Variants in KIAA1217 observed in about 807,000 individuals in gnomAD.
KIAA1217 encodes the protein sickle tail protein homolog.
KIAA1217 carries 88 observed loss-of-function variants against 163.9 expected under a neutral mutation model. That is an observed-to-expected ratio of 0.54 (90% CI 0.45 to 0.64). KIAA1217 has a LOEUF of 0.64. KIAA1217 is among the 30% of genes least tolerant of loss of function. The pLI, the probability that KIAA1217 is intolerant of heterozygous loss-of-function variation, is 0.00. For synonymous variants in KIAA1217, 903 were observed against 923.1 expected (o/e 0.98, Z 0.39); for missense variants, 2,372 against 2,475.0 (o/e 0.96, Z 0.88).
At chr10:24,044,588 C>T (rs922344480) in intron 2 of KIAA1217, among the ~76,000 whole-genome samples, 1 of 151,836 alleles carries the variant, frequency 6.6e-6, no homozygotes, top group Non-Finnish European at 1.5e-5. Flanking sequence ...TTCCATGCTC[C>T]CCTCTCTGCT....
chr10:23,696,292 C>G (rs1836036394), intron 1 of KIAA1217, among the ~76,000 whole-genome samples: 1 of 152,196 alleles, frequency 6.6e-6, no homozygotes, highest in African/African-American at 2.4e-5. Context: ...CTACCCTGCT[C>G]TCACCTGGGG....
At chr10:24,303,529 G>A (rs1258023358) in intron 2 of KIAA1217, among the ~76,000 whole-genome samples, 3 of 152,166 alleles carry the variant, frequency 2.0e-5, no homozygotes, top group African/African-American at 7.2e-5. Flanking sequence ...GGGAAGGACT[G>A]TAAAGAAAAG....
At chr10:24,043,535 G>T (rs1848768524) in intron 2 of KIAA1217, among the ~76,000 whole-genome samples, 2 of 152,054 alleles carry the variant, frequency 1.3e-5, no homozygotes, top group South Asian at 4.1e-4. Context: ...TCAATGACAT[G>T]CTTGTATAAA....
At chr10:24,028,217 G>A (rs978097378) in intron 2 of KIAA1217, among the ~76,000 whole-genome samples, 1 of 152,078 alleles carries the variant, frequency 6.6e-6, no homozygotes, top group African/African-American at 2.4e-5. Context: ...ATGGGAAAGG[G>A]TGGGTTATGG....
rs1844616312 is a variant in KIAA1217, at chr10:23,957,448, A to G, written c.-320-49777A>G. On this transcript the variant is annotated intron_variant, in intron 1 of 18. Coordinates refer to the KIAA1217 transcript ENST00000376462. The stretch of plus-strand genomic sequence containing the variant: ...AAAAGATAAATAAATAAGGCTGGGT[A>G]TAGTGACTCACACCTGTAATCCCAG... Among the ~76,000 whole-genome samples, 4 of 152,350 alleles carry G rather than the reference A, an allele frequency of 2.6e-5. No homozygotes were observed. The South Asian group carries it at 8.3e-4, about 32-fold the overall frequency.
intron 1 of KIAA1217, among the ~76,000 whole-genome samples, chr10:24,003,381 G>C (rs1846840862): frequency 6.6e-6 from 1 of 152,050 alleles, no homozygotes; most frequent in South Asian, 2.1e-4. Flanking sequence ...GTATCTCATT[G>C]TGGTTTTAAT....
chr10:23,962,136 ACT>A (rs1844844083), intron 1 of KIAA1217, among the ~76,000 whole-genome samples: 1 of 152,166 alleles, frequency 6.6e-6, no homozygotes, highest in African/African-American at 2.4e-5. Context: ...GTGCAGGCTG[ACT>A]CTGACCAATG....
At chr10:23,917,634 C>T (rs996318080) in intron 1 of KIAA1217, among the ~76,000 whole-genome samples, 2 of 152,150 alleles carry the variant, frequency 1.3e-5, no homozygotes, top group Admixed American at 1.3e-4. Flanking sequence ...TAGTGTGCTG[C>T]AGGCAATATG....
chr10:24,118,244 A>T (rs1457510327), intron 2 of KIAA1217, among the ~76,000 whole-genome samples: 1 of 151,814 alleles, frequency 6.6e-6, no homozygotes, highest in Non-Finnish European at 1.5e-5. Context: ...CTGAGGTAAG[A>T]TGTGGTTGCA....
At chr10:24,222,880 G>A (rs1319073345) in intron 2 of KIAA1217, among the ~76,000 whole-genome samples, 4 of 152,174 alleles carry the variant, frequency 2.6e-5, no homozygotes, top group Non-Finnish European at 4.4e-5. Flanking sequence ...AGGGCTGCTG[G>A]TTGCCCATTT....
intron 2 of KIAA1217, among the ~76,000 whole-genome samples, chr10:24,040,186 G>T (rs964426758): frequency 3.3e-5 from 5 of 152,094 alleles, no homozygotes; most frequent in Non-Finnish European, 7.3e-5. Context: ...ATTTGTATCC[G>T]CCAGGGTCCA....
chr10:24,383,925 G>A (rs1239242458), intron 3 of KIAA1217, among the ~76,000 whole-genome samples: 1 of 152,218 alleles, frequency 6.6e-6, no homozygotes, highest in Non-Finnish European at 1.5e-5. Context: ...CCCTCCCAGG[G>A]GCCTTGCTCA....
intron 1 of KIAA1217, among the ~76,000 whole-genome samples, chr10:23,788,328 T>A (rs1835587967): frequency 6.6e-6 from 1 of 152,218 alleles, no homozygotes; most frequent in African/African-American, 2.4e-5. Context: ...AAAAGCCTAA[T>A]GGAATTCATA....
chr10:24,440,558 A>G (rs1275351016), intron 5 of KIAA1217, among the ~76,000 whole-genome samples: 1 of 152,194 alleles, frequency 6.6e-6, no homozygotes, highest in Non-Finnish European at 1.5e-5. Context: ...GAGGACTGAG[A>G]GTATCGAATA....
chr10:23,990,497 AC>A (rs1291015973), intron 1 of KIAA1217, among the ~76,000 whole-genome samples: 1 of 152,108 alleles, frequency 6.6e-6, no homozygotes, highest in Admixed American at 6.5e-5. Flanking sequence ...AAAAGAATCC[AC>A]ACCCTTCTCC....
intron 1 of KIAA1217, among the ~76,000 whole-genome samples, chr10:23,932,761 A>C (rs1843309259): frequency 6.6e-6 from 1 of 152,240 alleles, no homozygotes; most frequent in Non-Finnish European, 1.5e-5. Context: ...TATATTAATC[A>C]TTACTTTCTA....
chr10:24,525,431 G>C (rs908134194), intron 13 of KIAA1217, among the ~76,000 whole-genome samples: 3 of 152,212 alleles, frequency 2.0e-5, no homozygotes, highest in African/African-American at 7.2e-5. Flanking sequence ...TAAGACTGGG[G>C]AAATGGGCTG....
rs1244641692 is a variant in KIAA1217 at position 24,520,170 on chromosome 10, C to A, written c.2225C>A (p.Ala742Asp). The A allele has an allele frequency of 6.2e-7, 1 of 1,614,110 alleles. No homozygotes were observed. Among genetic ancestry groups the A allele is most frequent in the East Asian group, 2.2e-5 (1 of 44,856 alleles). ...VEDLKKDSTAASRLVTLKDVE... is the reference protein window; with the variant it reads ...VEDLKKDSTADSRLVTLKDVE... The stretch of plus-strand genomic sequence containing the variant: ...GACTTGAAGAAGGACTCCACGGCAG[C>A]CAGCCGATTGGTTACTCTGAAAGAC... Residue 742 changes from alanine (A) to aspartate (D), a missense_variant, in exon 11 of 21, where the codon GCC becomes GAC. Ala to Asp is a moderately radical substitution (Grantham distance 126). This residue lies in a region of KIAA1217 where 1,431 missense variants were observed against 1,470.3 expected (regional missense o/e 0.97). Coordinates refer to ENST00000376454, the MANE Select transcript of KIAA1217 (RefSeq NM_019590.5).
At chr10:23,943,805 T>A (rs1843886801) in intron 1 of KIAA1217, among the ~76,000 whole-genome samples, 2 of 152,210 alleles carry the variant, frequency 1.3e-5, no homozygotes, top group Admixed American at 6.5e-5. Flanking sequence ...TCAATTGATT[T>A]TTTTACCAAA....
Sources: allele counts gnomAD v4.1 joint callset (sites outside exome capture counted in the v4.1 genomes callset), GRCh38; gene constraint gnomAD v4.1.1; regional missense constraint gnomAD v4.1.1; transcripts MANE v1.5; gene names NCBI Gene and HGNC (gene_info 2026-07-23, HGNC 2026-07-21).